Variants in ADK observed in about 807,000 individuals in gnomAD.
The protein encoded by ADK is N6,N6-dimethyladenosine kinase.
A neutral mutation model predicts 44.7 loss-of-function variants in ADK; 24 were observed. The ratio of observed to expected loss-of-function variants is 0.54; its 90% CI spans 0.39 to 0.76. ADK has a LOEUF of 0.76. ADK is among the 30% of genes least tolerant of loss of function. The pLI is 0.00. For missense variants in ADK, 321 were observed against 425.1 expected, an observed-to-expected ratio of 0.76 and a Z score of 2.15; for synonymous variants, 128 against 142.6, an observed-to-expected ratio of 0.90 and a Z score of 0.73.
chr10:74,480,226 C>CTTTCTTT (rs1554865927), intron 6 of ADK, among the ~76,000 whole-genome samples: 1 of 133,122 alleles, frequency 7.5e-6, no homozygotes, highest in Non-Finnish European at 1.5e-5. Flanking sequence ...TTCTTTCTTT[C>CTTTCTTT]TTTTTTTTTT....
chr10:74,443,205 A>G (rs1208452858), intron 6 of ADK, among the ~76,000 whole-genome samples: 1 of 152,170 alleles, frequency 6.6e-6, no homozygotes, highest in Non-Finnish European at 1.5e-5. Context: ...AAGTTCATGG[A>G]TATGTTAATT....
intron 6 of ADK, among the ~76,000 whole-genome samples, chr10:74,461,910 A>G (rs1475898498): frequency 6.6e-6 from 1 of 152,100 alleles, no homozygotes; most frequent in East Asian, 1.9e-4. Flanking sequence ...TTTAAAATGG[A>G]AAATGAAATT....
intron 6 of ADK, among the ~76,000 whole-genome samples, chr10:74,422,730 A>T (rs556675733): frequency 6.6e-6 from 1 of 152,312 alleles, no homozygotes; most frequent in African/African-American, 2.4e-5. Flanking sequence ...ATAGAGAAAA[A>T]GTCAGTTCCA....
intron 7 of ADK, among the ~76,000 whole-genome samples, chr10:74,530,987 G>T (rs1257137497): frequency 6.6e-6 from 1 of 152,102 alleles, no homozygotes; most frequent in East Asian, 1.9e-4. Context: ...GTTGGAGCCG[G>T]AAGTTCAAGG....
intron 6 of ADK, among the ~76,000 whole-genome samples, chr10:74,472,118 T>C (rs1313722037): frequency 2.0e-5 from 3 of 152,048 alleles, no homozygotes; most frequent in African/African-American, 4.8e-5. Flanking sequence ...GGCAGGAGAA[T>C]CACGAGTTCA....
At position 74,151,928 on chromosome 10, in the gene ADK, A is replaced by G. The variant is rs997776925; in HGVS notation, c.65+585A>G. 2.6e-5 allele frequency among the ~76,000 whole-genome samples: 4 copies of G among 152,118 alleles called. No homozygotes were observed. The East Asian group carries it at 5.8e-4, about 22-fold the overall frequency. On this transcript the variant is annotated intron_variant, in intron 1 of 10. Coordinates refer to ENST00000539909, the MANE Select transcript of ADK (RefSeq NM_006721.4). ...AAAGGTTGATTTCTCTTTTTTATTT[A>G]CACTTTTTGGCAGCAACGGGGACAG...
At chr10:74,586,885 A>C (rs1004752017) in intron 7 of ADK, among the ~76,000 whole-genome samples, 2 of 151,462 alleles carry the variant, frequency 1.3e-5, no homozygotes, top group African/African-American at 2.4e-5. Flanking sequence ...ATGTATATAT[A>C]TACACACACA....
At chr10:74,591,298 A>C (rs1038734499) in intron 8 of ADK, among the ~76,000 whole-genome samples, 3 of 152,186 alleles carry the variant, frequency 2.0e-5, no homozygotes, top group Non-Finnish European at 4.4e-5. Context: ...TATAAGCAAA[A>C]TGATAATGAT....
chr10:74,240,028 C>G (rs542682955), intron 3 of ADK, among the ~76,000 whole-genome samples: 51 of 140,514 alleles, frequency 3.6e-4, no homozygotes, highest in African/African-American at 1.3e-3. Flanking sequence ...TTTTTTTTTT[C>G]CTCTAAGACA....
intron 9 of ADK, among the ~76,000 whole-genome samples, chr10:74,614,781 C>G (rs1437407609): frequency 6.6e-6 from 1 of 152,122 alleles, no homozygotes; most frequent in South Asian, 2.1e-4. Flanking sequence ...CCCTGGTTCC[C>G]TTTATTGAAG....
intron 1 of ADK, among the ~76,000 whole-genome samples, chr10:74,191,668 C>T (rs1017201207): frequency 2.6e-5 from 4 of 152,168 alleles, no homozygotes; most frequent in African/African-American, 9.6e-5. Context: ...CACTCAACTT[C>T]CCCCAATGAT....
intron 6 of ADK, among the ~76,000 whole-genome samples, chr10:74,404,107 C>T (rs1170543816): frequency 1.3e-5 from 2 of 151,284 alleles, no homozygotes; most frequent in African/African-American, 4.8e-5. Flanking sequence ...CTCCTGACCT[C>T]ATGATCCACA....
At chr10:74,319,115 C>G (rs950082451) in intron 4 of ADK, among the ~76,000 whole-genome samples, 5 of 152,012 alleles carry the variant, frequency 3.3e-5, no homozygotes, top group Non-Finnish European at 7.4e-5. Flanking sequence ...AGAAGCATGC[C>G]TTTATTCTTT....
chr10:74,245,588 G>GTT (rs1452811124), intron 3 of ADK, among the ~76,000 whole-genome samples: 60 of 81,306 alleles, frequency 7.4e-4, no homozygotes, highest in South Asian at 5.8e-3. Flanking sequence ...CATAGTTTTT[G>GTT]TTTTTGTTTT....
At chr10:74,175,675 C>G (rs1400679831) in intron 1 of ADK, among the ~76,000 whole-genome samples, 2 of 152,046 alleles carry the variant, frequency 1.3e-5, no homozygotes, top group African/African-American at 4.8e-5. Flanking sequence ...CCTATATTCC[C>G]AGTGCTTTGG....
chr10:74,482,347 C>A (rs1847104675), intron 6 of ADK, among the ~76,000 whole-genome samples: 1 of 152,172 alleles, frequency 6.6e-6, no homozygotes, highest in African/African-American at 2.4e-5. Flanking sequence ...CATGCACTAT[C>A]ACAAGAACAG....
chr10:74,192,052 T>C (rs1842968851), intron 1 of ADK, among the ~76,000 whole-genome samples: 1 of 152,326 alleles, frequency 6.6e-6, no homozygotes, highest in East Asian at 1.9e-4. Context: ...TAGATACGGC[T>C]TTTTTCTCAC....
rs188606806 is a variant in ADK at position 74,676,331 on chromosome 10, T to C, written c.964+6062T>C. ...TTTTAGTAGAGATGGAGTTTTGCCA[T>C]GTTGGCCAGGCTGGTCTCGAACTCC... On this transcript the variant is annotated intron_variant, in intron 10 of 10. Transcript: ENST00000539909. Among the ~76,000 whole-genome samples the C allele has an allele frequency of 5.4e-3, 829 of 152,232 alleles. 8 individuals carry two copies. The highest frequency in any genetic ancestry group is 0.019 in the African/African-American group (781 of 41,534).
At position 74,254,484 on chromosome 10, in the gene ADK, A is replaced by AT. The variant is rs527889161; in HGVS notation, c.194+29899dup. Among the ~76,000 whole-genome samples the AT allele has an allele frequency of 5.7e-4, 87 of 151,318 alleles. No homozygotes were observed. In the Middle Eastern group the frequency reaches 0.017, roughly 30 times the overall value. On this transcript the variant is annotated intron_variant, in intron 3 of 10. Coordinates refer to ENST00000539909, the MANE Select transcript of ADK (RefSeq NM_006721.4). ...ATATGCCTCTTTTTTTTATTTCCTCATTTTTTCTTCTAAAAAGAAAATTAT... is the reference window on the plus strand; with the variant it reads ...ATATGCCTCTTTTTTTTATTTCCTCATTTTTTTCTTCTAAAAAGAAAATTAT...
Sources: gnomAD v4.1 joint callset for allele counts (sites outside exome capture counted in the v4.1 genomes callset) on GRCh38, gnomAD v4.1.1 for gene constraint, MANE v1.5 for transcripts, NCBI Gene and HGNC (gene_info 2026-07-23, HGNC 2026-07-21) for gene names.